SPATA16: variants seen among roughly 807,000 people sequenced by gnomAD.
SPATA16 encodes the protein spermatogenesis associated 16, also known as spermatogenesis-associated protein 16.
In SPATA16, 36 loss-of-function variants were observed where a neutral mutation model predicts 63.3. The observed-to-expected ratio is 0.57, with a 90% CI of 0.44 to 0.75. SPATA16 has a LOEUF of 0.75. Among genes scored for constraint, SPATA16 ranks in the 30% least tolerant of loss-of-function variants. SPATA16 has a pLI of 0.00. For missense variants in SPATA16, 646 were observed against 679.3 expected (o/e 0.95, Z 0.54); for synonymous variants, 203 against 216.7 (o/e 0.94, Z 0.56).
At chr3:172,933,507 G>A (rs928669270) in intron 6 of SPATA16, among the ~76,000 whole-genome samples, 1 of 152,228 alleles carries the variant, frequency 6.6e-6, no homozygotes, top group Non-Finnish European at 1.5e-5. Context: ...TTTGAGATCT[G>A]TAATGGCATT....
chr3:172,967,565 AC>A (rs1733944119), intron 5 of SPATA16, among the ~76,000 whole-genome samples: 1 of 152,168 alleles, frequency 6.6e-6, no homozygotes, highest in Non-Finnish European at 1.5e-5. Flanking sequence ...GTTACAGCCT[AC>A]TATAGCTCAG....
chr3:173,031,108 G>T (rs576478431), intron 3 of SPATA16, among the ~76,000 whole-genome samples: 1 of 152,020 alleles, frequency 6.6e-6, no homozygotes, highest in Non-Finnish European at 1.5e-5. Context: ...TATTTAATAG[G>T]CATAGACTTT....
intron 1 of SPATA16, among the ~76,000 whole-genome samples, chr3:173,125,789 G>T (rs954504410): frequency 2.0e-5 from 3 of 152,204 alleles, no homozygotes; most frequent in African/African-American, 7.2e-5. Context: ...ACCAGAATGT[G>T]AGAGACTGCA....
At chr3:172,971,638 T>G (rs1560083940) in intron 5 of SPATA16, among the ~76,000 whole-genome samples, 1 of 152,282 alleles carries the variant, frequency 6.6e-6, no homozygotes, top group South Asian at 2.1e-4. Flanking sequence ...ATACAGTCAC[T>G]AAGTAAGTAT....
chr3:172,917,901 A>G (rs1173926117), intron 8 of SPATA16, among the ~76,000 whole-genome samples: 1 of 152,174 alleles, frequency 6.6e-6, no homozygotes, highest in African/African-American at 2.4e-5. Context: ...GGAAGCTGAC[A>G]TTTTCTCTAG....
chr3:172,967,414 A>G (rs1433607441), intron 5 of SPATA16, among the ~76,000 whole-genome samples: 1 of 152,204 alleles, frequency 6.6e-6, no homozygotes, highest in Non-Finnish European at 1.5e-5. Flanking sequence ...CAAAATAAAC[A>G]TTACTCAGGG....
chr3:172,905,294 C>T (rs1560062493), intron 10 of SPATA16, among the ~76,000 whole-genome samples: 1 of 152,074 alleles, frequency 6.6e-6, no homozygotes, highest in Admixed American at 6.5e-5. Context: ...GACTGCTTTG[C>T]AAATGAATGG....
At chr3:173,041,817 G>A (rs1220736624) in intron 3 of SPATA16, among the ~76,000 whole-genome samples, 6 of 151,974 alleles carry the variant, frequency 3.9e-5, no homozygotes, top group Admixed American at 1.3e-4. Flanking sequence ...GGATGGGGGC[G>A]GGGGAGGGAT....
chr3:173,059,948 T>G (rs1437520006), intron 2 of SPATA16, among the ~76,000 whole-genome samples: 2 of 147,410 alleles, frequency 1.4e-5, no homozygotes. Flanking sequence ...AGTCTGAGAA[T>G]GAAGCTAATG....
intron 1 of SPATA16, among the ~76,000 whole-genome samples, chr3:173,121,643 T>C (rs1738074885): frequency 6.6e-6 from 1 of 152,194 alleles, no homozygotes; most frequent in Non-Finnish European, 1.5e-5. Flanking sequence ...TTGACATTAG[T>C]TCAGTGCTTT....
intron 4 of SPATA16, among the ~76,000 whole-genome samples, chr3:172,986,509 C>T (rs1734462662): frequency 6.6e-6 from 1 of 152,020 alleles, no homozygotes; most frequent in African/African-American, 2.4e-5. Context: ...GGGAGGGGCA[C>T]CTAGGTCAGC....
intron 5 of SPATA16, 104 bp downstream of exon 5, chr3:172,976,864 T>G (rs948898000): frequency 1.4e-5 from 12 of 875,258 alleles, no homozygotes; most frequent in Non-Finnish European, 1.7e-5. Flanking sequence ...CTGATTGATA[T>G]GCCCAGAGCT....
rs142035327 is a variant in SPATA16, at chr3:172,976,009, T to C, written c.933+959A>G. Among the ~76,000 whole-genome samples, 469 of 152,220 alleles carry C rather than the reference T, an allele frequency of 3.1e-3. 2 individuals are homozygous for C. The highest frequency in any genetic ancestry group is 5.2e-3 in the Non-Finnish European group (354 of 67,932). On this transcript the variant is annotated intron_variant, in intron 5 of 10. Transcript: ENST00000351008. ...TTACAGTTAGTGGCTTAGAACATCT[T>C]ATTCTGGTTGGTTCAAAAGGTTCGT...
chr3:173,099,257 TGA>T (rs915573106), intron 2 of SPATA16, among the ~76,000 whole-genome samples: 7 of 139,940 alleles, frequency 5.0e-5, no homozygotes, highest in East Asian at 2.0e-4. Context: ...AGAGAGAGAG[TGA>T]GAGAGAGAGA....
intron 10 of SPATA16, among the ~76,000 whole-genome samples, chr3:172,906,030 G>A (rs1346210168): frequency 6.6e-6 from 1 of 152,180 alleles, no homozygotes; most frequent in Non-Finnish European, 1.5e-5. Flanking sequence ...CCAGGTTTAG[G>A]CTTTATAAAT....
chr3:172,925,627 T>C, intron 6 of SPATA16, 135 bp from the exon 7 acceptor site: 1 of 1,078,662 alleles, frequency 9.3e-7, no homozygotes, highest in Non-Finnish European at 1.4e-6. Context: ...AGTAATATTA[T>C]GTGTATCAAA....
intron 4 of SPATA16, among the ~76,000 whole-genome samples, chr3:173,007,336 G>T (rs1441504835): frequency 6.6e-6 from 1 of 152,124 alleles, no homozygotes; most frequent in Non-Finnish European, 1.5e-5. Context: ...CAAGAAGAAG[G>T]ACAGGTGCGG....
chr3:172,924,547 T>C (rs1732685440), intron 7 of SPATA16, among the ~76,000 whole-genome samples: 1 of 152,186 alleles, frequency 6.6e-6, no homozygotes, highest in Non-Finnish European at 1.5e-5. Flanking sequence ...TTGTTGTGTT[T>C]CTTGATTGAG....
In SPATA16 at chr3:172,916,480, C is replaced by T; in HGVS notation, c.1340G>A (p.Gly447Glu). The T allele has an allele frequency of 6.2e-7, 1 of 1,613,540 alleles. No homozygotes were observed. Among genetic ancestry groups the T allele is most frequent in the South Asian group, 1.1e-5 (1 of 91,068 alleles). ...LDFIRSTQLN[G>E]SFPASSGVME... is the part of the protein sequence containing the mutation. ...CACACCTGAGGATGCAGGAAAACTCCCCTAGTCTCAAAGTAAAAGAAATGT... is the reference window on the plus strand; with the variant it reads ...CACACCTGAGGATGCAGGAAAACTCTCCTAGTCTCAAAGTAAAAGAAATGT... The change falls in exon 9 of 11, where the codon GGG (glycine) becomes GAG (glutamate). Residue 447 changes from glycine to glutamate, a missense_variant and splice_region_variant. Coordinates refer to ENST00000351008, the MANE Select transcript of SPATA16 (RefSeq NM_031955.6).
Sources: allele counts gnomAD v4.1 joint callset (sites outside exome capture counted in the v4.1 genomes callset), GRCh38; gene constraint gnomAD v4.1.1; transcripts MANE v1.5; gene names NCBI Gene and HGNC (gene_info 2026-07-23, HGNC 2026-07-21).